TECR: variants seen among roughly 807,000 people sequenced by gnomAD.
TECR encodes trans-2,3-enoyl-CoA reductase.
Under a neutral mutation model 50.6 loss-of-function variants are expected in TECR, and 19 were observed. That is an observed-to-expected ratio of 0.38 (90% CI 0.26 to 0.55). The LOEUF (loss-of-function observed/expected upper bound fraction) is 0.55. TECR is among the 20% of genes least tolerant of loss of function. The probability of loss-of-function intolerance (pLI) is 0.79; values close to 1 mark genes in which losing one functional copy is unlikely to be tolerated. For missense variants in TECR, 313 were observed against 408.3 expected (o/e 0.77, Z 2.01); for synonymous variants, 168 against 163.5 (o/e 1.03, Z -0.21).
At chr19:14,543,440 TTTTTTTTTTTTTTTTTG>T (rs1226742336) in intron 1 of TECR, among the ~76,000 whole-genome samples, 6 of 50,494 alleles carry the variant, frequency 1.2e-4, no homozygotes, top group Admixed American at 2.2e-4. Flanking sequence ...TTTTTTTTTT[TTTTTTTTTTTTTTTTTG>T]AGACGGAGTC....
intron 1 of TECR, among the ~76,000 whole-genome samples, chr19:14,543,400 T>TAC (rs2073170741): frequency 1.2e-4 from 1 of 8,292 alleles, no homozygotes; most frequent in Non-Finnish European, 3.0e-4. Flanking sequence ...TATATATATA[T>TAC]ATATATATAT....
chr19:14,564,665 C>A, intron 7 of TECR, 121 bp from the exon 8 acceptor site: 1 of 1,098,048 alleles, frequency 9.1e-7, no homozygotes, highest in East Asian at 2.4e-5. Flanking sequence ...TCCCCAGCCC[C>A]GCCCCAAGGC....
chr19:14,562,710 G>A (rs1568428148), intron 2 of TECR, 135 bp downstream of exon 2: 3 of 1,014,238 alleles, frequency 3.0e-6, no homozygotes, highest in Non-Finnish European at 4.6e-6. Context: ...CCTCACTTGG[G>A]GTAGGGTGGA....
intron 7 of TECR, 43 bp from the exon 8 acceptor site, chr19:14,564,743 C>A (rs1209125220): frequency 6.3e-7 from 1 of 1,577,068 alleles, no homozygotes; most frequent in Non-Finnish European, 8.7e-7. Context: ...TCTGCCTTGT[C>A]CGGTGCTGGC....
chr19:14,565,396 C>G, intron 11 of TECR, 106 bp downstream of exon 11: 1 of 1,452,718 alleles, frequency 6.9e-7, no homozygotes. Context: ...TTGCCGCCTG[C>G]ACTGCGAGCA....
At position 14,550,291 on chromosome 19, in the gene TECR, G is replaced by A. The variant is rs572451375; in HGVS notation, c.16-12234G>A. On this transcript the variant is annotated intron_variant, in intron 1 of 12. Transcript: ENST00000215567. ...GTGCCTGGCTGGTTGTGAGTGGGCGGGTGGTGTTAGCTGCCGCCGCGTGTA... is the reference window on the plus strand; with the variant it reads ...GTGCCTGGCTGGTTGTGAGTGGGCGAGTGGTGTTAGCTGCCGCCGCGTGTA... 1.1e-4 allele frequency among the ~76,000 whole-genome samples: 16 copies of A among 152,238 alleles called. No individual in the cohort carries two copies. In the East Asian group the frequency reaches 3.1e-3, roughly 29 times the overall value.
intron 1 of TECR, among the ~76,000 whole-genome samples, chr19:14,555,042 G>C (rs1315233284): frequency 6.6e-6 from 1 of 151,482 alleles, no homozygotes; most frequent in African/African-American, 2.4e-5. Flanking sequence ...CTCCCAGAGT[G>C]CTGGGATTAC....
chr19:14,562,397 T>C, intron 1 of TECR, 128 bp from the exon 2 acceptor site: 1 of 962,708 alleles, frequency 1.0e-6, no homozygotes, highest in Non-Finnish European at 1.7e-6. Context: ...GCAGGCGGCA[T>C]GGACTTGAAC....
At chr19:14,559,786 CAA>C (rs5827240) in intron 1 of TECR, among the ~76,000 whole-genome samples, 317 of 139,002 alleles carry the variant, frequency 2.3e-3, no homozygotes, top group Middle Eastern at 3.8e-3. Flanking sequence ...GACTCTGTCT[CAA>C]AAAAAAAAAA....
chr19:14,550,085 T>A (rs908874337), intron 1 of TECR, among the ~76,000 whole-genome samples: 1 of 152,116 alleles, frequency 6.6e-6, no homozygotes, highest in Non-Finnish European at 1.5e-5. Flanking sequence ...TGTCACTCTT[T>A]CTTTGCCAAG....
intron 1 of TECR, chr19:14,532,133 C>T (rs957031617): frequency 1.3e-5 from 2 of 152,022 alleles, no homozygotes; most frequent in African/African-American, 4.8e-5. Context: ...ATAAAGTAGG[C>T]CTCTGAGCAC....
chr19:14,557,617 A>G (rs548587037), intron 1 of TECR, among the ~76,000 whole-genome samples: 9 of 149,382 alleles, frequency 6.0e-5, no homozygotes, highest in Non-Finnish European at 1.3e-4. Flanking sequence ...ACGCCTGGCT[A>G]ATTTTTGTAT....
At chr19:14,533,408 G>C (rs1174323483) in intron 1 of TECR, among the ~76,000 whole-genome samples, 1 of 151,810 alleles carries the variant, frequency 6.6e-6, no homozygotes, top group Non-Finnish European at 1.5e-5. Flanking sequence ...TGACAAGAAC[G>C]AGACTCTGTC....
At chr19:14,529,880 G>T in intron 1 of TECR, 169 bp downstream of exon 1, 5 of 897,940 alleles carry the variant, frequency 5.6e-6, no homozygotes, top group South Asian at 1.4e-5. Flanking sequence ...ATTCCAATGC[G>T]CATGTGCGCA....
intron 1 of TECR, among the ~76,000 whole-genome samples, chr19:14,558,775 C>T (rs550619404): frequency 1.4e-4 from 21 of 152,250 alleles, no homozygotes; most frequent in African/African-American, 2.2e-4. Context: ...CCAGCCCCTC[C>T]GAGTGGCTCC....
intron 1 of TECR, among the ~76,000 whole-genome samples, chr19:14,547,810 C>T (rs749403259): frequency 3.3e-5 from 5 of 151,848 alleles, no homozygotes; most frequent in Non-Finnish European, 7.4e-5. Flanking sequence ...CAGGTGCATA[C>T]CACCTACAGC....
At chr19:14,562,640 C>G in intron 2 of TECR, 65 bp downstream of exon 2, 1 of 1,584,006 alleles carries the variant, frequency 6.3e-7, no homozygotes, top group Non-Finnish European at 8.7e-7. Flanking sequence ...ATCCTTATAG[C>G]CCAGGAGCTG....
intron 1 of TECR, among the ~76,000 whole-genome samples, chr19:14,547,652 G>A (rs2073349849): frequency 7.0e-6 from 1 of 142,160 alleles, no homozygotes; most frequent in Non-Finnish European, 1.5e-5. Flanking sequence ...GTGAGCCACT[G>A]TACCTAATAT....
intron 1 of TECR, among the ~76,000 whole-genome samples, chr19:14,552,172 CTTT>C (rs536176918): frequency 6.7e-5 from 9 of 133,452 alleles, no homozygotes; most frequent in Admixed American, 1.5e-4. Context: ...TTTCTTTTTT[CTTT>C]TTTTTTTTTT....
Sources: gnomAD v4.1 joint callset for allele counts (sites outside exome capture counted in the v4.1 genomes callset) on GRCh38, gnomAD v4.1.1 for gene constraint, MANE v1.5 for transcripts, NCBI Gene and HGNC (gene_info 2026-07-23, HGNC 2026-07-21) for gene names.